Variants in KIAA1549 observed in about 807,000 individuals in gnomAD.
The protein encoded by KIAA1549 is KIAA1549.
A neutral mutation model predicts 156.4 loss-of-function variants in KIAA1549; 70 were observed. That is an observed-to-expected ratio of 0.45 (90% CI 0.37 to 0.55). KIAA1549 has a LOEUF of 0.55. KIAA1549 is among the 20% of genes least tolerant of loss of function. The probability of loss-of-function intolerance (pLI) is 0.00; values close to 1 mark genes in which losing one functional copy is unlikely to be tolerated. For missense variants in KIAA1549, 2,428 were observed against 2,540.9 expected, an observed-to-expected ratio of 0.96 and a Z score of 0.96; for synonymous variants, 1,103 against 1,066.4, an observed-to-expected ratio of 1.03 and a Z score of -0.67.
At chr7:138,945,019 G>A (rs1418201542) in intron 1 of KIAA1549, among the ~76,000 whole-genome samples, 1 of 152,154 alleles carries the variant, frequency 6.6e-6, no homozygotes, top group Non-Finnish European at 1.5e-5. Context: ...TGTTATGCAT[G>A]TTTTACCAAA....
chr7:138,956,712 A>T (rs1813676749), intron 1 of KIAA1549, among the ~76,000 whole-genome samples: 1 of 152,196 alleles, frequency 6.6e-6, no homozygotes, highest in Non-Finnish European at 1.5e-5. Context: ...TAAATTACCC[A>T]ATCTCAGGTA....
At chr7:138,879,722 TTG>T in intron 11 of KIAA1549, 69 bp from the exon 12 acceptor site, 1 of 1,048,812 alleles carries the variant, frequency 9.5e-7, no homozygotes, top group Non-Finnish European at 1.4e-6. Flanking sequence ...TCCCATTAAT[TTG>T]TGTGTGGAAG....
chr7:138,903,499 A>C (rs2130450349), intron 8 of KIAA1549, 89 bp downstream of exon 8: 1 of 1,333,170 alleles, frequency 7.5e-7, no homozygotes, highest in African/African-American at 1.5e-5. Context: ...TTGCATAAAA[A>C]TACAGGGTTT....
chr7:138,877,557 A>T (rs1170673960), intron 12 of KIAA1549, among the ~76,000 whole-genome samples: 2 of 152,362 alleles, frequency 1.3e-5, no homozygotes, highest in East Asian at 3.8e-4. Flanking sequence ...AGAATATTTT[A>T]AAATAGGATA....
chr7:138,894,477 C>T lies in KIAA1549; in HGVS notation c.3897G>A (p.Leu1299=), dbSNP rs1048695382. 1.2e-6 allele frequency: 2 copies of T among 1,613,932 alleles called. No individual in the cohort carries two copies. Among genetic ancestry groups the T allele is most frequent in the South Asian group, 1.1e-5 (1 of 91,086 alleles). Reference sequence around the variant, plus strand: ...GGATGACCACGCCAACAATGACCCACAAGTTGTTGCTCTGGGATTCCGGAG... The same window carrying T: ...GGATGACCACGCCAACAATGACCCATAAGTTGTTGCTCTGGGATTCCGGAG... ...RPSPESQSNN[L]WVIVGVVIPV... Residue 1299 remains leucine, a synonymous_variant, in exon 10 of 20, where the codon TTG becomes TTA. Transcript: ENST00000422774.
intron 1 of KIAA1549, among the ~76,000 whole-genome samples, chr7:138,961,597 G>C (rs1813850346): frequency 6.6e-6 from 1 of 152,158 alleles, no homozygotes; most frequent in African/African-American, 2.4e-5. Context: ...GTGATCCACA[G>C]ATACTATAAT....
At chr7:138,877,851 T>C (rs1811131198) in intron 12 of KIAA1549, among the ~76,000 whole-genome samples, 1 of 152,190 alleles carries the variant, frequency 6.6e-6, no homozygotes, top group Non-Finnish European at 1.5e-5. Flanking sequence ...TGAGCCTATG[T>C]TGAGAGTGGT....
At chr7:138,911,673 A>G (rs532651513) in intron 3 of KIAA1549, among the ~76,000 whole-genome samples, 63 of 152,386 alleles carry the variant, frequency 4.1e-4, no homozygotes, top group Non-Finnish European at 6.6e-4. Flanking sequence ...TAGTGGCCAC[A>G]TTAAAAAACA....
chr7:138,852,997 C>T (rs2130351012), intron 16 of KIAA1549, among the ~76,000 whole-genome samples: 1 of 152,330 alleles, frequency 6.6e-6, no homozygotes, highest in South Asian at 2.1e-4. Context: ...TTTAAGGAAA[C>T]ATACATCTAA....
chr7:138,977,655 A>AACACAC (rs10625706), intron 1 of KIAA1549, among the ~76,000 whole-genome samples: 4,469 of 146,884 alleles, frequency 0.03, 217 homozygotes, highest in African/African-American at 0.1. Context: ...TACTCAAGAA[A>AACACAC]ACACACACAC....
At chr7:138,948,295 G>A (rs1035105867) in intron 1 of KIAA1549, among the ~76,000 whole-genome samples, 1 of 152,180 alleles carries the variant, frequency 6.6e-6, no homozygotes, top group African/African-American at 2.4e-5. Flanking sequence ...AGACACACAT[G>A]GAGGGAAGAT....
chr7:138,871,552 C>G (rs931091919), intron 12 of KIAA1549, among the ~76,000 whole-genome samples, 190 bp from the exon 13 acceptor site: 6 of 152,176 alleles, frequency 3.9e-5, no homozygotes, highest in Non-Finnish European at 8.8e-5. Flanking sequence ...ATACTGTATC[C>G]TCTAACTTCA....
chr7:138,928,495 T>G (rs556425283), intron 1 of KIAA1549, among the ~76,000 whole-genome samples: 1 of 151,790 alleles, frequency 6.6e-6, no homozygotes, highest in South Asian at 2.1e-4. Flanking sequence ...CCATGTTGGC[T>G]AGGCTGGTCT....
At chr7:138,924,368 A>T (rs574082115) in intron 1 of KIAA1549, among the ~76,000 whole-genome samples, 8 of 152,262 alleles carry the variant, frequency 5.3e-5, no homozygotes, top group Non-Finnish European at 1.0e-4. Flanking sequence ...TTTGCTTTGA[A>T]ATATTAGATC....
chr7:138,897,446 T>A (rs760942418), intron 9 of KIAA1549, among the ~76,000 whole-genome samples: 2 of 152,228 alleles, frequency 1.3e-5, no homozygotes, highest in South Asian at 2.1e-4. Context: ...TATCATTTTT[T>A]AAAAATTGTC....
chr7:138,868,225 C>T, intron 14 of KIAA1549, 97 bp from the exon 15 acceptor site: 1 of 1,226,020 alleles, frequency 8.2e-7, no homozygotes, highest in Non-Finnish European at 1.1e-6. Flanking sequence ...CTAGGATGTG[C>T]TACCCCTGGA....
chr7:138,943,180 G>C (rs1219675448), intron 1 of KIAA1549, among the ~76,000 whole-genome samples: 1 of 152,210 alleles, frequency 6.6e-6, no homozygotes, highest in African/African-American at 2.4e-5. Context: ...AATGACTCCA[G>C]AGTGTTTGCT....
At chr7:138,912,267 T>A in intron 3 of KIAA1549, 105 bp downstream of exon 3, 1 of 798,482 alleles carries the variant, frequency 1.3e-6, no homozygotes, top group Middle Eastern at 2.8e-4. Flanking sequence ...AGGGAAGAGA[T>A]GAAATAGAAT....
intron 10 of KIAA1549, among the ~76,000 whole-genome samples, chr7:138,883,408 G>A (rs1000546670): frequency 1.3e-5 from 2 of 151,468 alleles, no homozygotes; most frequent in African/African-American, 4.9e-5. Flanking sequence ...TGCCTCCCGG[G>A]TTCAAGTGAT....
Sources: gnomAD v4.1 joint callset for allele counts (sites outside exome capture counted in the v4.1 genomes callset) on GRCh38, gnomAD v4.1.1 for gene constraint, MANE v1.5 for transcripts, NCBI Gene and HGNC (gene_info 2026-07-23, HGNC 2026-07-21) for gene names.